Variants in ADAMTS2 observed in about 807,000 individuals in gnomAD.
The protein encoded by ADAMTS2 is ADAM metallopeptidase with thrombospondin type 1 motif 2, also known as A disintegrin and metalloproteinase with thrombospondin motifs 2.
A neutral mutation model predicts 123.0 loss-of-function variants in ADAMTS2; 50 were observed. The observed-to-expected ratio is 0.41, with a 90% confidence interval of 0.32 to 0.51. The LOEUF is 0.51. Ranked by LOEUF, ADAMTS2 falls within the 20% of genes least tolerant of loss-of-function variation. The pLI, the probability that ADAMTS2 is intolerant of heterozygous loss-of-function variation, is 0.35. For synonymous variants in ADAMTS2, 678 were observed against 695.4 expected (o/e 0.98, Z 0.39); for missense variants, 1,494 against 1,705.2 (o/e 0.88, Z 2.18).
intron 2 of ADAMTS2, among the ~76,000 whole-genome samples, chr5:179,323,400 C>G (rs1757236904): frequency 6.6e-6 from 1 of 152,244 alleles, no homozygotes; most frequent in African/African-American, 2.4e-5. Context: ...AAGCAGACAC[C>G]AGGCTTCGTG....
chr5:179,309,051 G>T (rs758128831), intron 2 of ADAMTS2, among the ~76,000 whole-genome samples: 1 of 152,234 alleles, frequency 6.6e-6, no homozygotes, highest in Admixed American at 6.5e-5. Flanking sequence ...CCTCCTGACT[G>T]TGGACTGGAG....
At chr5:179,131,555 C>A (rs1282132417) in intron 15 of ADAMTS2, among the ~76,000 whole-genome samples, 1 of 152,034 alleles carries the variant, frequency 6.6e-6, no homozygotes. Flanking sequence ...GGGGCCCCAG[C>A]AGTCCCTGGT....
intron 5 of ADAMTS2, among the ~76,000 whole-genome samples, chr5:179,161,789 C>T (rs564272224): frequency 6.6e-6 from 1 of 152,160 alleles, no homozygotes; most frequent in African/African-American, 2.4e-5. Flanking sequence ...AAATATCACA[C>T]CCTACCCCAG....
At chr5:179,293,611 T>TTTG (rs1756248582) in intron 2 of ADAMTS2, among the ~76,000 whole-genome samples, 1 of 151,060 alleles carries the variant, frequency 6.6e-6, no homozygotes. Context: ...CAGGGTAGGG[T>TTTG]TTTGTTTGTT....
intron 3 of ADAMTS2, among the ~76,000 whole-genome samples, chr5:179,229,749 T>C (rs147391241): frequency 1.6e-3 from 241 of 152,354 alleles, no homozygotes; most frequent in African/African-American, 5.5e-3. Context: ...GCAGCATGAA[T>C]GTTTAATTAC....
intron 3 of ADAMTS2, among the ~76,000 whole-genome samples, chr5:179,220,377 G>A (rs187413938): frequency 2.8e-4 from 42 of 152,228 alleles, no homozygotes; most frequent in Non-Finnish European, 4.4e-4. Flanking sequence ...GAAAATCCCT[G>A]TCACCAGTCC....
Position 179,242,445 on chromosome 5 carries a change from G to A in ADAMTS2, c.688+30466C>T, listed in dbSNP as rs991586971. 1.3e-5 allele frequency among the ~76,000 whole-genome samples: 2 copies of A among 152,132 alleles called. No homozygotes were observed. The highest frequency in any genetic ancestry group is 2.9e-5 in the Non-Finnish European group (2 of 68,014). ...ATGAGAATTCCACTTCTGGAATGGT[G>A]GTGAGAGGAGCCCCATGGACACATT... On this transcript the variant is annotated intron_variant, in intron 3 of 21. Coordinates refer to ENST00000251582, the MANE Select transcript of ADAMTS2 (RefSeq NM_014244.5). The surrounding 1 kb of genome is among the most constrained non-coding windows in gnomAD (Gnocchi z 4.2).
intron 15 of ADAMTS2, among the ~76,000 whole-genome samples, chr5:179,131,836 C>A (rs144075989): frequency 1.5e-3 from 221 of 152,324 alleles, no homozygotes; most frequent in African/African-American, 5.2e-3. Context: ...TGACAGCTGG[C>A]CTTGCTGAGG....
At position 179,225,282 on chromosome 5, in the gene ADAMTS2, G is replaced by C. The variant is rs1281478880; in HGVS notation, c.689-17567C>G. Among the ~76,000 whole-genome samples, 1 of 152,182 alleles carries C rather than the reference G, an allele frequency of 6.6e-6. No individual in the cohort carries two copies. The highest frequency in any genetic ancestry group is 1.5e-5 in the Non-Finnish European group (1 of 68,034). On this transcript the variant is annotated intron_variant, in intron 3 of 21. Transcript: ENST00000251582. This position sits in a 1 kb window ranked among gnomAD's most constrained non-coding sequence, Gnocchi z 4.5. ...ATAAAGCGCTCTTACAAATCAACAG[G>C]AAACAATCCAGCAATCCAAAAGGGA...
chr5:179,276,786 G>A (rs889885083), intron 2 of ADAMTS2, among the ~76,000 whole-genome samples: 2 of 152,194 alleles, frequency 1.3e-5, no homozygotes, highest in Non-Finnish European at 2.9e-5. Flanking sequence ...GGGGCATGAG[G>A]ACCCCTTATG....
chr5:179,243,156 A>C (rs1403526967), intron 3 of ADAMTS2, among the ~76,000 whole-genome samples: 1 of 152,128 alleles, frequency 6.6e-6, no homozygotes, highest in Non-Finnish European at 1.5e-5. Flanking sequence ...ACTGGAAAAA[A>C]AAAAAAAAAA....
At chr5:179,236,235 G>A (rs1765525728) in intron 3 of ADAMTS2, among the ~76,000 whole-genome samples, 1 of 152,130 alleles carries the variant, frequency 6.6e-6, no homozygotes, top group East Asian at 1.9e-4. Flanking sequence ...TGGACTTTGG[G>A]CCCAGAAATC....
chr5:179,126,833 G>A (rs1330247147), intron 17 of ADAMTS2, among the ~76,000 whole-genome samples: 6 of 152,144 alleles, frequency 3.9e-5, no homozygotes, highest in Non-Finnish European at 7.3e-5. Flanking sequence ...GGAGGCTGAC[G>A]TGGTGGCAGG....
chr5:179,129,964 T>C lies in ADAMTS2; in HGVS notation c.2425A>G (p.Met809Val). 1 of 1,613,972 alleles carries C rather than the reference T, an allele frequency of 6.2e-7. No homozygotes were observed. The highest frequency in any genetic ancestry group is 8.5e-7 in the Non-Finnish European group (1 of 1,180,014). The change falls in exon 16 of 22, where the codon ATG (methionine) becomes GTG (valine). Residue 809 changes from methionine (M) to valine (V), a missense_variant. Met to Val is a conservative substitution (Grantham distance 21). Coordinates refer to ENST00000251582, the MANE Select transcript of ADAMTS2 (RefSeq NM_014244.5). The surrounding 1 kb of genome is among the most constrained non-coding windows in gnomAD (Gnocchi z 4.1). ...GTGATGGTGCCGTGGAGGGGGCCCA[T>C]GGTCTGCAGCGTCTCCCGGCCGTCC... Reference protein sequence around the residue: ...DEDGRETLQTMGPLHGTITVL... With the variant: ...DEDGRETLQTVGPLHGTITVL...
chr5:179,172,131 G>A lies in ADAMTS2; in HGVS notation c.975+8941C>T, dbSNP rs1044075965. Among the ~76,000 whole-genome samples, 3 of 152,238 alleles carry A rather than the reference G, an allele frequency of 2.0e-5. 1 individual carries two copies. Among genetic ancestry groups the A allele is most frequent in the African/African-American group, 7.2e-5 (3 of 41,462 alleles). ...GGAGGCGGAAGCAAGGCCAGCCTCAGTTCACCTATGTCCTCTCTGTTCTCT... is the reference window on the plus strand; with the variant it reads ...GGAGGCGGAAGCAAGGCCAGCCTCAATTCACCTATGTCCTCTCTGTTCTCT... On this transcript the variant is annotated intron_variant, in intron 5 of 21. Transcript: ENST00000251582.
chr5:179,139,971 C>G lies in ADAMTS2; in HGVS notation c.1694G>C (p.Gly565Ala), dbSNP rs764482504. Residue 565 changes from glycine (G) to alanine (A), a missense_variant, in exon 11 of 22, where the codon GGC becomes GCC. By Grantham distance (60) the Gly-to-Ala change is moderately conservative. Around this residue, in one of 6 missense-constraint regions of ADAMTS2, gnomAD observed 953 missense variants for 1,124.7 expected, o/e 0.85. Coordinates refer to ENST00000251582, the MANE Select transcript of ADAMTS2 (RefSeq NM_014244.5). Reference sequence around the variant, plus strand: ...GCAGGAGCCAAACGGACTCCAAGCGCCCCAGCTGCCGTCCCGTTTGAGGAT... The same window carrying G: ...GCAGGAGCCAAACGGACTCCAAGCGGCCCAGCTGCCGTCCCGTTTGAGGAT... Reference protein sequence around the residue: ...PDILKRDGSWGAWSPFGSCSR... With the variant: ...PDILKRDGSWAAWSPFGSCSR... 2 of 1,614,010 alleles carry G rather than the reference C, an allele frequency of 1.2e-6. No homozygotes were observed. The highest frequency in any genetic ancestry group is 1.7e-5 in the Admixed American group (1 of 60,026).
At chr5:179,230,992 C>T (rs567610737) in intron 3 of ADAMTS2, among the ~76,000 whole-genome samples, 3 of 151,388 alleles carry the variant, frequency 2.0e-5, no homozygotes, top group Non-Finnish European at 4.4e-5. Flanking sequence ...GCCTGGGCAA[C>T]AGAGCGAAAC....
intron 3 of ADAMTS2, among the ~76,000 whole-genome samples, chr5:179,255,414 G>A (rs1253456057): frequency 6.6e-6 from 1 of 152,214 alleles, no homozygotes; most frequent in African/African-American, 2.4e-5. Context: ...TTGACCACAG[G>A]TCATCTCTAG....
intron 3 of ADAMTS2, among the ~76,000 whole-genome samples, chr5:179,251,083 A>C (rs1765911044): frequency 1.3e-5 from 2 of 152,220 alleles, no homozygotes; most frequent in Non-Finnish European, 1.5e-5. Context: ...CTAGTGTAGC[A>C]GAAAGAGCCC....
Sources: gnomAD v4.1 joint callset for allele counts (sites outside exome capture counted in the v4.1 genomes callset) on GRCh38, gnomAD v4.1.1 for gene constraint, gnomAD v4.1.1 regional missense constraint, Gnocchi (gnomAD v3.1) non-coding constraint, MANE v1.5 for transcripts, NCBI Gene and HGNC (gene_info 2026-07-23, HGNC 2026-07-21) for gene names.